Variants in NHS observed in about 807,000 individuals in gnomAD.
NHS encodes actin remodeling regulator NHS.
NHS carries 5 observed loss-of-function variants against 72.5 expected under a neutral mutation model. The observed-to-expected ratio is 0.07, with a 90% CI of 0.04 to 0.14. The LOEUF (loss-of-function observed/expected upper bound fraction) is 0.14. Among genes scored for constraint, NHS ranks in the 10% least tolerant of loss-of-function variants. The pLI, the probability that NHS is intolerant of heterozygous loss-of-function variation, is 1.00. For synonymous variants in NHS, 464 were observed against 547.7 expected (o/e 0.85, Z 2.13); for missense variants, 1,072 against 1,355.7 (o/e 0.79, Z 3.29).
intron 1 of NHS, among the ~76,000 whole-genome samples, chrX:17,382,928 G>A (rs2064385112): frequency 8.9e-6 from 1 of 112,137 alleles, no homozygotes; most frequent in African/African-American, 3.2e-5. Context: ...GCAGGTTAAT[G>A]CCTCAGAAGC....
intron 1 of NHS, among the ~76,000 whole-genome samples, chrX:17,536,377 C>G (rs1355218682): frequency 9.2e-6 from 1 of 108,603 alleles, no homozygotes; most frequent in Non-Finnish European, 2.0e-5. Flanking sequence ...AAACAAAAAA[C>G]AAACAAACAA....
intron 1 of NHS, among the ~76,000 whole-genome samples, chrX:17,666,681 G>A (rs73189160): frequency 0.011 from 1,285 of 112,594 alleles, 11 homozygotes; most frequent in Non-Finnish European, 0.015. Flanking sequence ...TGAATGAGCA[G>A]GCAGGATAAA....
chrX:17,465,650 G>A lies in NHS; in HGVS notation c.565+89328G>A, dbSNP rs902224817. On this transcript the variant is annotated intron_variant, in intron 1 of 8. Transcript: ENST00000676302. Reference sequence around the variant, plus strand: ...AAAAAAAAATTACTCCTTACATAATGGAAGCTAGAGTCTAAGAGAATGTTC... The same window carrying A: ...AAAAAAAAATTACTCCTTACATAATAGAAGCTAGAGTCTAAGAGAATGTTC... Among the ~76,000 whole-genome samples the A allele has an allele frequency of 2.7e-5, 3 of 110,629 alleles. No individual in the cohort carries two copies. In the East Asian group the frequency reaches 8.5e-4, roughly 31 times the overall value.
chrX:17,567,358 C>G (rs2065449827), intron 1 of NHS, among the ~76,000 whole-genome samples: 1 of 112,015 alleles, frequency 8.9e-6, no homozygotes, highest in Admixed American at 9.5e-5. Context: ...GGCACCCACT[C>G]ACATCATTCT....
intron 1 of NHS, among the ~76,000 whole-genome samples, chrX:17,678,295 A>G (rs749375722): frequency 1.0e-5 from 1 of 98,915 alleles, no homozygotes; most frequent in Non-Finnish European, 2.0e-5. Flanking sequence ...TGTGTGTGTG[A>G]GAGAGAGAGA....
In NHS at chrX:17,458,221, C is replaced by CTTTG. The variant is rs746335046; in HGVS notation, c.565+81919_565+81922dup. 1.3e-4 allele frequency among the ~76,000 whole-genome samples: 14 copies of CTTTG among 110,533 alleles called. No homozygotes were observed. The East Asian group carries it at 3.4e-3, about 27-fold the overall frequency. ...GTTTGTGTGTGCATGCATTCTTTTTCTTTGTTTGTTTGTTTGTTTGTTTCT... is the reference window on the plus strand; with the variant it reads ...GTTTGTGTGTGCATGCATTCTTTTTCTTTGTTTGTTTGTTTGTTTGTTTGTTTCT... On this transcript the variant is annotated intron_variant, in intron 1 of 8. Transcript: ENST00000676302.
At chrX:17,599,024 T>A (rs2065637481) in intron 1 of NHS, among the ~76,000 whole-genome samples, 1 of 112,443 alleles carries the variant, frequency 8.9e-6, no homozygotes, top group African/African-American at 3.2e-5. Flanking sequence ...CTCTTGTGTC[T>A]GATTTCTTTC....
Position 17,516,565 on chromosome X carries a change from ACACGCG to A in NHS, c.565+140247_565+140252del, listed in dbSNP as rs1245344224. ...AGGGGATTTAACTTACAACACACAC[ACACGCG>A]CACACACACACACACACACACACAC... On this transcript the variant is annotated intron_variant, in intron 1 of 8. Coordinates refer to ENST00000676302, the MANE Select transcript of NHS (RefSeq NM_001291867.2). Among the ~76,000 whole-genome samples the A allele has an allele frequency of 8.7e-3, 760 of 87,202 alleles. 7 individuals carry two copies. Among genetic ancestry groups the A allele is most frequent in the African/African-American group, 0.033 (730 of 21,902 alleles). 75.7% of individuals were successfully genotyped at this position (87,202 alleles called of 115,157 possible).
chrX:17,527,683 C>T (rs750930457), intron 1 of NHS, among the ~76,000 whole-genome samples: 3 of 112,287 alleles, frequency 2.7e-5, no homozygotes, highest in Admixed American at 9.4e-5. Context: ...CAGGCTCCTA[C>T]GTGTTGACAG....
intron 1 of NHS, among the ~76,000 whole-genome samples, chrX:17,481,948 T>C (rs1379043456): frequency 8.9e-6 from 1 of 112,305 alleles, no homozygotes; most frequent in Non-Finnish European, 1.9e-5. Flanking sequence ...TTTGATATTA[T>C]GTCTATGACA....
chrX:17,685,966 A>G (rs2066160027), intron 1 of NHS, among the ~76,000 whole-genome samples: 2 of 111,934 alleles, frequency 1.8e-5, no homozygotes, highest in Non-Finnish European at 3.8e-5. Flanking sequence ...CTGTGTTCCA[A>G]CACCTAGCAC....
chrX:17,452,090 CCTTGCCCTCAAGGAA>C (rs2064807763), intron 1 of NHS, among the ~76,000 whole-genome samples: 2 of 111,432 alleles, frequency 1.8e-5, no homozygotes, highest in Admixed American at 1.9e-4. Context: ...CCTGAAGGGT[CCTTGCCCTCAAGGAA>C]CTTACGGTTA....
chrX:17,482,070 A>G (rs1664952996), intron 1 of NHS, among the ~76,000 whole-genome samples: 1 of 112,279 alleles, frequency 8.9e-6, no homozygotes, highest in African/African-American at 3.2e-5. Context: ...GACCTTGGGC[A>G]AGTAGCTTTA....
intron 1 of NHS, among the ~76,000 whole-genome samples, chrX:17,664,401 C>T (rs1365856834): frequency 9.0e-6 from 1 of 111,665 alleles, no homozygotes; most frequent in Non-Finnish European, 1.9e-5. Context: ...TTCATTTTTC[C>T]CCATATGTAT....
intron 3 of NHS, among the ~76,000 whole-genome samples, chrX:17,714,628 T>A (rs756756137): frequency 8.9e-6 from 1 of 112,765 alleles, no homozygotes; most frequent in Admixed American, 9.4e-5. Flanking sequence ...CACGTGAGCA[T>A]GTTAGCTGTA....
intron 1 of NHS, among the ~76,000 whole-genome samples, chrX:17,429,355 G>C (rs943879252): frequency 9.0e-6 from 1 of 111,149 alleles, no homozygotes; most frequent in Non-Finnish European, 1.9e-5. Context: ...GATCCACGGC[G>C]TCATCAAGTA....
Position 17,580,164 on chromosome X carries a change from A to G in NHS, c.566-107578A>G, listed in dbSNP as rs1320034286. Among the ~76,000 whole-genome samples the G allele has an allele frequency of 2.8e-4, 27 of 96,071 alleles. 1 individual carries two copies. Among genetic ancestry groups the G allele is most frequent in the African/African-American group, 1.2e-3 (27 of 22,980 alleles). The allele number at this position is 96,071 out of a possible 115,157, so 83.4% of individuals were successfully genotyped here. ...TAGTCATTATCCTGCCCCTTTCCCC[A>G]CTCTCTCCAAATGCCAGAAAAAAAA... On this transcript the variant is annotated intron_variant, in intron 1 of 8. Coordinates refer to ENST00000676302, the MANE Select transcript of NHS (RefSeq NM_001291867.2).
intron 1 of NHS, among the ~76,000 whole-genome samples, chrX:17,561,570 G>GCACACACACACACACACACACA (rs1365009034): frequency 1.6e-5 from 1 of 63,147 alleles, no homozygotes; most frequent in African/African-American, 7.1e-5. Flanking sequence ...GCGCGCGCGC[G>GCACACACACACACACACACACA]CGCGCACACA....
chrX:17,704,116 C>T (rs1188702360), intron 3 of NHS, among the ~76,000 whole-genome samples: 1 of 110,418 alleles, frequency 9.1e-6, no homozygotes, highest in Non-Finnish European at 1.9e-5. Context: ...TCGTGCCTTT[C>T]AAGAAGAGCA....
Sources: allele counts gnomAD v4.1 joint callset (sites outside exome capture counted in the v4.1 genomes callset), GRCh38; gene constraint gnomAD v4.1.1; transcripts MANE v1.5; gene names NCBI Gene and HGNC (gene_info 2026-07-23, HGNC 2026-07-21).